Variants in DSG2 observed in about 807,000 individuals in gnomAD.
DSG2 encodes desmoglein-2.
Under a neutral mutation model 75.6 loss-of-function variants are expected in DSG2, and 45 were observed. That is an observed-to-expected ratio of 0.60 (90% CI 0.47 to 0.76). The LOEUF (loss-of-function observed/expected upper bound fraction) is 0.76. Among genes scored for constraint, DSG2 ranks in the 30% least tolerant of loss-of-function variants. The pLI, the probability that DSG2 is intolerant of heterozygous loss-of-function variation, is 0.00. For synonymous variants in DSG2, 429 were observed against 483.9 expected, an observed-to-expected ratio of 0.89 and a Z score of 1.49; for missense variants, 1,267 against 1,357.4, an observed-to-expected ratio of 0.93 and a Z score of 1.05.
At chr18:31,512,763 G>A (rs2144302644) in intron 1 of DSG2, among the ~76,000 whole-genome samples, 1 of 152,310 alleles carries the variant, frequency 6.6e-6, no homozygotes, top group Middle Eastern at 3.4e-3. Context: ...CCTTCTGAGA[G>A]TTTTCCCACA....
chr18:31,502,315 TCAGA>T (rs2073017616), intron 1 of DSG2, among the ~76,000 whole-genome samples: 2 of 152,178 alleles, frequency 1.3e-5, no homozygotes, highest in African/African-American at 4.8e-5. Flanking sequence ...GATCTAATTG[TCAGA>T]CAAGTGTAAG....
chr18:31,546,377 T>A lies in DSG2; in HGVS notation c.2991T>A (p.Gly997=), dbSNP rs765129273. 1.9e-6 allele frequency: 3 copies of A among 1,613,986 alleles called. No homozygotes were observed. The highest frequency in any genetic ancestry group is 1.1e-5 in the South Asian group (1 of 91,060). Residue 997 remains glycine (G), a synonymous_variant, in exon 15 of 15, where the codon GGT becomes GGA. Transcript: ENST00000261590. ...AAAGAGTAATACAGCCTCATGGGGGTGGATCGAATCCTCTGGAAGGCACTC... is the reference window on the plus strand; with the variant it reads ...AAAGAGTAATACAGCCTCATGGGGGAGGATCGAATCCTCTGGAAGGCACTC... The part of the protein sequence containing the change: ...VTERVIQPHG[G]GSNPLEGTQH...
intron 6 of DSG2, among the ~76,000 whole-genome samples, chr18:31,524,219 C>G (rs759704994): frequency 6.6e-6 from 1 of 152,210 alleles, no homozygotes; most frequent in Non-Finnish European, 1.5e-5. Context: ...GATAATATCA[C>G]CAATGACTTA....
intron 1 of DSG2, among the ~76,000 whole-genome samples, chr18:31,510,868 G>GA (rs1314319798): frequency 2.0e-5 from 3 of 152,100 alleles, no homozygotes; most frequent in African/African-American, 4.8e-5. Flanking sequence ...TTCCTGGTGA[G>GA]AAAAAAAGTC....
At chr18:31,528,834 G>A (rs1021849208) in intron 8 of DSG2, among the ~76,000 whole-genome samples, 4 of 152,022 alleles carry the variant, frequency 2.6e-5, no homozygotes, top group African/African-American at 9.7e-5. Context: ...GGGATAGAAA[G>A]CAGACTGGGA....
At chr18:31,541,648 C>A (rs1451870403) in intron 13 of DSG2, among the ~76,000 whole-genome samples, 1 of 152,090 alleles carries the variant, frequency 6.6e-6, no homozygotes, top group Admixed American at 6.5e-5. Context: ...TTCCATTTCC[C>A]TCAATACATA....
chr18:31,541,273 C>T lies in DSG2; in HGVS notation c.1960C>T (p.Leu654=), dbSNP rs754792258. ...CCCCATACCTGGCACCATAGAGATG[C>T]TGCATCCTTGGAATAATGAAGGAGC... ...FTPIPGTIEM[L]HPWNNEGAPP... The change falls in exon 13 of 15, where the codon CTG becomes TTG. Residue 654 remains leucine (L), a synonymous_variant. Transcript: ENST00000261590. The T allele has an allele frequency of 3.7e-6, 6 of 1,614,084 alleles. No individual in the cohort carries two copies. The East Asian group carries it at 1.3e-4, about 36-fold the overall frequency.
intron 12 of DSG2, among the ~76,000 whole-genome samples, chr18:31,539,476 G>A (rs185022444): frequency 5.9e-5 from 9 of 152,220 alleles, no homozygotes; most frequent in Middle Eastern, 6.8e-3. Flanking sequence ...TTGTTTCTTC[G>A]TCAGCACCAA....
intron 14 of DSG2, among the ~76,000 whole-genome samples, chr18:31,544,789 G>A (rs974223428): frequency 2.6e-5 from 4 of 152,158 alleles, no homozygotes; most frequent in Non-Finnish European, 4.4e-5. Context: ...AGTAGGACTG[G>A]GTGGTTTTCT....
chr18:31,498,825 G>A (rs1243963947), intron 1 of DSG2, among the ~76,000 whole-genome samples: 1 of 152,142 alleles, frequency 6.6e-6, no homozygotes, highest in Non-Finnish European at 1.5e-5. Context: ...TTAAAAAGGT[G>A]TAATTTACAA....
intron 8 of DSG2, among the ~76,000 whole-genome samples, chr18:31,529,400 C>G (rs1169530720): frequency 2.6e-5 from 4 of 152,074 alleles, no homozygotes; most frequent in Admixed American, 2.0e-4. Flanking sequence ...ATTTCTCATC[C>G]GGCATATATC....
At chr18:31,535,464 T>A in intron 10 of DSG2, 52 bp downstream of exon 10, 1 of 1,454,658 alleles carries the variant, frequency 6.9e-7, no homozygotes, top group Non-Finnish European at 9.6e-7. Flanking sequence ...AGATTTTTAT[T>A]TTCCAACATC....
In DSG2 at chr18:31,520,830, G is replaced by A. The variant is rs762769555; in HGVS notation, c.244G>A (p.Gly82Arg). ...ACATTCTGATCTTGCAGAAGAAAGA[G>A]GACTCAAAATTACTTACAAATACAC... is the stretch of plus-strand genomic sequence containing the variant. ...KIHSDLAEER[G>R]LKITYKYTGK... is the part of the protein sequence containing the mutation. Residue 82 changes from glycine (G) to arginine (R), a missense_variant, in exon 4 of 15, where the codon GGA (glycine) becomes AGA (arginine). Gly to Arg is a moderately radical substitution (Grantham distance 125). Transcript: ENST00000261590. 3.1e-6 allele frequency: 5 copies of A among 1,613,654 alleles called. No homozygotes were observed. In the Admixed American group the frequency reaches 5.0e-5, roughly 16 times the overall value.
chr18:31,524,336 CA>C (rs1450418137), intron 6 of DSG2, 111 bp from the exon 7 acceptor site: 11 of 1,423,966 alleles, frequency 7.7e-6, no homozygotes, highest in Non-Finnish European at 1.1e-5. Context: ...GATCATAAAA[CA>C]GATTTGTAAA....
At chr18:31,520,290 G>T (rs1413354899) in intron 3 of DSG2, among the ~76,000 whole-genome samples, 2 of 152,148 alleles carry the variant, frequency 1.3e-5, no homozygotes, top group African/African-American at 4.8e-5. Context: ...CTATTACTAG[G>T]TAGGGGGACC....
At position 31,531,181 on chromosome 18, in the gene DSG2, A is replaced by G. The variant is rs1467727719; in HGVS notation, c.1209A>G (p.Arg403=). ...TTTATGTTAGCGAGAGCATGGATAG[A>G]TCAAGCAAAGGCCAAATAATTGGAA... ...ISIYVSESMD[R]SSKGQIIGNF... Residue 403 remains arginine (R), a synonymous_variant, in exon 9 of 15, where the codon AGA becomes AGG. Transcript: ENST00000261590. 2.5e-6 allele frequency: 4 copies of G among 1,614,094 alleles called. No individual in the cohort carries two copies. The highest frequency in any genetic ancestry group is 1.3e-5 in the African/African-American group (1 of 74,944).
At chr18:31,543,141 A>G in intron 14 of DSG2, 2 of 295,430 alleles carry the variant, frequency 6.8e-6, no homozygotes. Context: ...GCTTTCCTTC[A>G]TGATGTCTTC....
chr18:31,541,179 T>G lies in DSG2; in HGVS notation c.1880-14T>G. 3 of 1,614,158 alleles carry G rather than the reference T, an allele frequency of 1.9e-6. No individual in the cohort carries two copies. The highest frequency in any genetic ancestry group is 2.5e-6 in the Non-Finnish European group (3 of 1,179,984). On this transcript the variant is annotated splice_polypyrimidine_tract_variant and intron_variant, in intron 12 of 14. Transcript: ENST00000261590. ...AGGTTAACCTTATCTGTGTTCAATT[T>G]TGTGTCTGTACAGTGGTACCACTTT... is the stretch of plus-strand genomic sequence containing the variant.
intron 1 of DSG2, among the ~76,000 whole-genome samples, chr18:31,498,874 C>T (rs1343582563): frequency 1.3e-5 from 2 of 152,130 alleles, no homozygotes; most frequent in Admixed American, 6.5e-5. Context: ...ATAGTTTTAA[C>T]TTAAAGTTTA....
Sources: gnomAD v4.1 joint callset for allele counts (sites outside exome capture counted in the v4.1 genomes callset) on GRCh38, gnomAD v4.1.1 for gene constraint, MANE v1.5 for transcripts, NCBI Gene and HGNC (gene_info 2026-07-23, HGNC 2026-07-21) for gene names.